SHQ1: variants seen among roughly 807,000 people sequenced by gnomAD.
SHQ1 encodes SHQ1, H/ACA ribonucleoprotein assembly factor.
Under a neutral mutation model 53.8 loss-of-function variants are expected in SHQ1, and 49 were observed. The observed-to-expected ratio is 0.91, with a 90% CI of 0.72 to 1.16. SHQ1 has a LOEUF of 1.16. SHQ1 is among the 50% of genes most tolerant of loss of function. The pLI is 0.00. For missense variants in SHQ1, 738 were observed against 683.1 expected, an observed-to-expected ratio of 1.08 and a Z score of -0.90; for synonymous variants, 243 against 251.0, an observed-to-expected ratio of 0.97 and a Z score of 0.30.
At position 72,750,749 on chromosome 3, in the gene SHQ1, T is replaced by C; in HGVS notation, c.1269A>G (p.Glu423=). ...CCTCCTGGACAAGCAGTGCTGCTGC[T>C]TCTAGTTCTTCCAGTTCTAACCCCA... is the stretch of plus-strand genomic sequence containing the variant. The part of the protein sequence containing the change: ...AQLGLELEEL[E]AAALLVQEEE... Residue 423 remains glutamate (E), a synonymous_variant, in exon 11 of 11, where the codon GAA becomes GAG. Transcript: ENST00000325599. The C allele has an allele frequency of 1.3e-6, 2 of 1,552,926 alleles. No homozygotes were observed. Among genetic ancestry groups the C allele is most frequent in the Non-Finnish European group, 1.7e-6 (2 of 1,147,576 alleles).
At chr3:72,837,746 T>TA (rs1179387458) in intron 4 of SHQ1, among the ~76,000 whole-genome samples, 2 of 152,234 alleles carry the variant, frequency 1.3e-5, no homozygotes, top group African/African-American at 2.4e-5. Flanking sequence ...GCTTTACTCA[T>TA]AGAATTAGGG....
At chr3:72,738,186 G>A in the SHQ1 span, among the ~76,000 whole-genome samples, 3 of 152,146 alleles carry the variant, frequency 2.0e-5, no homozygotes, top group Admixed American at 6.5e-5. Flanking sequence ...TACTCACTGA[G>A]TCCTTAGTTC....
At chr3:72,753,860 ACC>A (rs1409089474) in intron 10 of SHQ1, among the ~76,000 whole-genome samples, 1 of 152,132 alleles carries the variant, frequency 6.6e-6, no homozygotes, top group African/African-American at 2.4e-5. Context: ...ATATTTTGAA[ACC>A]TTGACTACCA....
At chr3:72,761,793 G>A (rs1705614972) in intron 10 of SHQ1, among the ~76,000 whole-genome samples, 1 of 152,186 alleles carries the variant, frequency 6.6e-6, no homozygotes, top group Non-Finnish European at 1.5e-5. Context: ...ATCACAGAAA[G>A]ACAACTCTAA....
chr3:72,727,602 G>T, the SHQ1 span, among the ~76,000 whole-genome samples: 1 of 152,198 alleles, frequency 6.6e-6, no homozygotes, highest in Non-Finnish European at 1.5e-5. Context: ...ATGCGTTTTT[G>T]TTTTGTTTTC....
chr3:72,751,522 A>ATATATAC (rs1705377938), intron 10 of SHQ1, among the ~76,000 whole-genome samples: 1 of 140,316 alleles, frequency 7.1e-6, no homozygotes, highest in African/African-American at 3.0e-5. Context: ...ATATATATAT[A>ATATATAC]TATATATACA....
intron 6 of SHQ1, among the ~76,000 whole-genome samples, chr3:72,823,739 C>T (rs1405485058): frequency 3.3e-5 from 5 of 151,934 alleles, no homozygotes; most frequent in Non-Finnish European, 7.4e-5. Context: ...TTAAAATATC[C>T]CCAAAATTGC....
chr3:72,815,275 C>A lies in SHQ1; in HGVS notation c.936+75G>T, dbSNP rs150217203. 1,253 of 1,225,510 alleles carry A rather than the reference C, an allele frequency of 1.0e-3. 8 individuals carry two copies. In the African/African-American group the frequency reaches 0.016, roughly 15 times the overall value. 75.9% of individuals were successfully genotyped at this position (1,225,510 alleles called of 1,614,324 possible). A position where few individuals can be genotyped will look rare whatever the true frequency, so the allele number is the denominator to read the frequency against. ...AAAATTCAAGGAATTGCTTGAATTACCCCAAATGATGTAAAAACAACAAAA... is the reference window on the plus strand; with the variant it reads ...AAAATTCAAGGAATTGCTTGAATTAACCCAAATGATGTAAAAACAACAAAA... On this transcript the variant is annotated intron_variant, in intron 8 of 10. Transcript: ENST00000325599.
chr3:72,776,702 A>C (rs1468179975), intron 10 of SHQ1, among the ~76,000 whole-genome samples: 1 of 152,212 alleles, frequency 6.6e-6, no homozygotes, highest in African/African-American at 2.4e-5. Context: ...GAGTCATACC[A>C]TATTATTGGA....
chr3:72,730,730 A>G, the SHQ1 span, among the ~76,000 whole-genome samples: 5 of 152,172 alleles, frequency 3.3e-5, no homozygotes, highest in East Asian at 9.6e-4. Context: ...ACACTTCATG[A>G]CCAGCAGTAC....
chr3:72,779,184 C>T (rs1706021832), intron 10 of SHQ1, among the ~76,000 whole-genome samples: 1 of 152,168 alleles, frequency 6.6e-6, no homozygotes, highest in African/African-American at 2.4e-5. Context: ...TTCTTGACCC[C>T]TCCCCCAACA....
chr3:72,845,531 A>G (rs1708303022), intron 1 of SHQ1, among the ~76,000 whole-genome samples: 2 of 151,952 alleles, frequency 1.3e-5, no homozygotes, highest in African/African-American at 4.8e-5. Flanking sequence ...CCCTGCTTCC[A>G]GTTTTACCCT....
At chr3:72,812,533 A>G (rs1332486576) in intron 9 of SHQ1, 138 bp downstream of exon 9, 3 of 880,184 alleles carry the variant, frequency 3.4e-6, no homozygotes, top group African/African-American at 1.7e-5. Context: ...CAGGAATTCT[A>G]TACTTTAAAA....
At chr3:72,812,262 CT>C (rs1175779178) in intron 9 of SHQ1, among the ~76,000 whole-genome samples, 1 of 152,204 alleles carries the variant, frequency 6.6e-6, no homozygotes, top group Non-Finnish European at 1.5e-5. Context: ...GAATTGCTAA[CT>C]TACCCATCAT....
intron 1 of SHQ1, 148 bp from the exon 2 acceptor site, chr3:72,844,571 G>C (rs1708274727): frequency 7.0e-6 from 5 of 712,694 alleles, no homozygotes; most frequent in Non-Finnish European, 1.3e-5. Context: ...AATAAACTAA[G>C]TTAGATTCTT....
At chr3:72,768,051 CA>C (rs1271281867) in intron 10 of SHQ1, among the ~76,000 whole-genome samples, 1 of 151,630 alleles carries the variant, frequency 6.6e-6, no homozygotes, top group African/African-American at 2.4e-5. Flanking sequence ...GAGCAGTTTA[CA>C]AAAAAGCAGG....
intron 10 of SHQ1, among the ~76,000 whole-genome samples, chr3:72,765,559 T>TATATATA (rs1559662676): frequency 1.9e-4 from 19 of 99,050 alleles, no homozygotes; most frequent in Admixed American, 3.3e-4. Context: ...ATATATATAT[T>TATATATA]TTTTTTTTTT....
At chr3:72,812,485 G>A (rs951428636) in intron 9 of SHQ1, among the ~76,000 whole-genome samples, 186 bp downstream of exon 9, 9 of 152,104 alleles carry the variant, frequency 5.9e-5, no homozygotes, top group African/African-American at 2.2e-4. Flanking sequence ...TCTTTATTAT[G>A]CCTCTATGCA....
chr3:72,730,279 A>C, the SHQ1 span, among the ~76,000 whole-genome samples: 1 of 152,030 alleles, frequency 6.6e-6, no homozygotes, highest in Non-Finnish European at 1.5e-5. Context: ...CCACACCTGG[A>C]TAATTTTTTA....
Sources: allele counts gnomAD v4.1 joint callset (sites outside exome capture counted in the v4.1 genomes callset), GRCh38; gene constraint gnomAD v4.1.1; transcripts MANE v1.5; gene names NCBI Gene and HGNC (gene_info 2026-07-23, HGNC 2026-07-21).